Variants in STAG3 observed in about 807,000 individuals in gnomAD.
The protein encoded by STAG3 is STAG3 cohesin complex component.
STAG3 carries 101 observed loss-of-function variants against 160.7 expected under a neutral mutation model. That is an observed-to-expected ratio of 0.63 (90% CI 0.54 to 0.74). The LOEUF (loss-of-function observed/expected upper bound fraction) is 0.74. Ranked by LOEUF, STAG3 falls within the 30% of genes least tolerant of loss-of-function variation. The pLI, the probability that STAG3 is intolerant of heterozygous loss-of-function variation, is 0.00. For missense variants in STAG3, 1,188 were observed against 1,517.4 expected (o/e 0.78, Z 3.61); for synonymous variants, 519 against 585.0 (o/e 0.89, Z 1.63).
intron 16 of STAG3, 187 bp from the exon 17 acceptor site, chr7:100,200,049 G>A: frequency 1.8e-6 from 1 of 540,920 alleles, no homozygotes; most frequent in South Asian, 2.4e-5. Context: ...CTGGGTGACA[G>A]AGCGAGACTC....
rs371194043 is a variant in STAG3, at chr7:100,199,250, G to C, written c.1468-12G>C. 1 of 1,587,640 alleles carries C rather than the reference G, an allele frequency of 6.3e-7. No individual in the cohort carries two copies. Among genetic ancestry groups the C allele is most frequent in the African/African-American group, 1.3e-5 (1 of 74,316 alleles). The stretch of plus-strand genomic sequence containing the variant: ...ATGCTATCATTAACTCCCCATGCAC[G>C]TTCTCCCCTAGCTCCATGACCACGC... On this transcript the variant is annotated splice_polypyrimidine_tract_variant and intron_variant, in intron 14 of 33. Transcript: ENST00000615138.
At chr7:100,198,017 C>G (rs941956632) in intron 11 of STAG3, 70 bp from the exon 12 acceptor site, 4 of 1,574,402 alleles carry the variant, frequency 2.5e-6, no homozygotes, top group Non-Finnish European at 3.5e-6. Context: ...TTAGGAGTCT[C>G]TGATTCTAAG....
rs1439807410 is a variant in STAG3, at chr7:100,195,302, C to A, written c.868-7C>A. On this transcript the variant is annotated splice_region_variant and splice_polypyrimidine_tract_variant and intron_variant, in intron 8 of 33. Transcript: ENST00000615138. ...GAAAGATTAACCCGTTTCTCCCTGT[C>A]CTCCAGCTCCAAGAGCATCAAGAGG... 4 of 1,613,964 alleles carry A rather than the reference C, an allele frequency of 2.5e-6. 1 individual carries two copies. The South Asian group carries it at 4.4e-5, about 18-fold the overall frequency.
downstream of STAG3, among the ~76,000 whole-genome samples, chr7:100,217,980 G>A (rs985854680): frequency 1.3e-5 from 2 of 150,334 alleles, no homozygotes; most frequent in African/African-American, 4.9e-5. Context: ...TCCACAAGAG[G>A]TGGTGGAGCA....
At chr7:100,211,356 T>A (rs1802185665) in intron 30 of STAG3, 79 bp from the exon 31 acceptor site, 25 of 1,530,730 alleles carry the variant, frequency 1.6e-5, no homozygotes, top group Admixed American at 1.1e-4. Context: ...TGAGCTTTTC[T>A]CCCCATTAAC....
At chr7:100,185,210 A>G (rs1383421307) in intron 4 of STAG3, among the ~76,000 whole-genome samples, 1 of 151,998 alleles carries the variant, frequency 6.6e-6, no homozygotes. Context: ...ATGCCTGACT[A>G]ATTATTCTGT....
Position 100,200,873 on chromosome 7 carries a change from C to T in STAG3, c.1965C>T (p.Pro655=), listed in dbSNP as rs778757088. Residue 655 remains proline (P), a synonymous_variant, in exon 19 of 34, where the codon CCC becomes CCT. Transcript: ENST00000615138. The stretch of plus-strand genomic sequence containing the variant: ...ATGCCCTCTACCTGCTCTGTAATCC[C>T]GAATTCACTTTCTTCAGCCGGGCGG... ...GAHALYLLCN[P]EFTFFSRADF... is the part of the protein sequence containing the mutation. 3.7e-6 allele frequency: 6 copies of T among 1,614,078 alleles called. No homozygotes were observed. The highest frequency in any genetic ancestry group is 1.6e-4 in the Middle Eastern group (1 of 6,082).
downstream of STAG3, among the ~76,000 whole-genome samples, chr7:100,215,984 C>T (rs1318069738): frequency 5.3e-5 from 8 of 152,178 alleles, no homozygotes; most frequent in African/African-American, 9.7e-5. Context: ...GAAAAGGCCA[C>T]GTGTAGGTGT....
At chr7:100,188,230 T>C (rs917144073) in intron 5 of STAG3, among the ~76,000 whole-genome samples, 2 of 152,180 alleles carry the variant, frequency 1.3e-5, no homozygotes, top group African/African-American at 4.8e-5. Context: ...GATTTGGCCA[T>C]GTCTACACCA....
chr7:100,213,898 G>A (rs1802527775), intron 33 of STAG3, 92 bp downstream of exon 33: 1 of 1,612,578 alleles, frequency 6.2e-7, no homozygotes, highest in Admixed American at 1.7e-5. Flanking sequence ...TAGCCTGGGG[G>A]TGGCCCTCTG....
intron 26 of STAG3, 130 bp downstream of exon 26, chr7:100,204,252 A>G (rs1584745798): frequency 1.5e-6 from 1 of 688,294 alleles, no homozygotes; most frequent in East Asian, 2.7e-5. Context: ...TTTACGTGAT[A>G]GGTTCCTTCA....
intron 8 of STAG3, among the ~76,000 whole-genome samples, chr7:100,193,170 C>T (rs1158166659): frequency 1.3e-5 from 2 of 152,136 alleles, no homozygotes; most frequent in East Asian, 3.8e-4. Flanking sequence ...CACCCATGTG[C>T]TTAAAATATT....
chr7:100,187,160 TG>T (rs1562968625), intron 5 of STAG3, among the ~76,000 whole-genome samples: 1 of 151,990 alleles, frequency 6.6e-6, no homozygotes. Context: ...GCCTCCCAGG[TG>T]GCTGGGATTA....
Position 100,198,529 on chromosome 7 carries a change from G to T in STAG3, c.1299G>T (p.Val433=). ...DADCESVYPV[V]YASHRGLASA... ...ATTGTGAGAGCGTCTACCCAGTTGTGTATGCCTCTCATCGAGGCCTGGCCT... is the reference window on the plus strand; with the variant it reads ...ATTGTGAGAGCGTCTACCCAGTTGTTTATGCCTCTCATCGAGGCCTGGCCT... The change falls in exon 13 of 34, where the codon GTG becomes GTT. Residue 433 remains valine (V), a synonymous_variant. Coordinates refer to ENST00000615138, the MANE Select transcript of STAG3 (RefSeq NM_001282717.2). 1 of 1,614,220 alleles carries T rather than the reference G, an allele frequency of 6.2e-7. No individual in the cohort carries two copies. Among genetic ancestry groups the T allele is most frequent in the South Asian group, 1.1e-5 (1 of 91,082 alleles).
intron 29 of STAG3, among the ~76,000 whole-genome samples, chr7:100,206,750 G>A (rs1264926444): frequency 6.6e-6 from 1 of 152,108 alleles, no homozygotes; most frequent in African/African-American, 2.4e-5. Context: ...CAAAGTGCTG[G>A]TGAGCCCCCG....
chr7:100,191,702 T>C (rs184983627), intron 8 of STAG3, among the ~76,000 whole-genome samples: 3 of 152,328 alleles, frequency 2.0e-5, no homozygotes, highest in Middle Eastern at 3.4e-3. Context: ...TAGTGGTTGC[T>C]GAAGGTTAGG....
rs139621533 is a variant in STAG3, at chr7:100,180,683, G to A, written c.116+11G>A. 6.0e-3 allele frequency: 8,967 copies of A among 1,505,436 alleles called. 40 individuals are homozygous for A. Among genetic ancestry groups the A allele is most frequent in the Non-Finnish European group, 7.1e-3 (7,694 of 1,080,386 alleles). 93.3% of individuals were successfully genotyped at this position (1,505,436 alleles called of 1,614,324 possible). A position where few individuals can be genotyped will look rare whatever the true frequency, so the allele number is the denominator to read the frequency against. ...CCATACCTCAGAGGGGTAAGTAGAT[G>A]TTGCATTGTGTGGCCACTTCCTGTG... On this transcript the variant is annotated intron_variant, in intron 2 of 33. Coordinates refer to ENST00000615138, the MANE Select transcript of STAG3 (RefSeq NM_001282717.2).
At chr7:100,194,385 G>A (rs1458040802) in intron 8 of STAG3, among the ~76,000 whole-genome samples, 1 of 152,150 alleles carries the variant, frequency 6.6e-6, no homozygotes, top group Non-Finnish European at 1.5e-5. Flanking sequence ...GGCCTGAGGA[G>A]AGAGAGAGAG....
At chr7:100,199,698 A>G (rs1800947620) in intron 16 of STAG3, 54 bp downstream of exon 16, 18 of 1,335,390 alleles carry the variant, frequency 1.3e-5, no homozygotes, top group East Asian at 9.5e-5. Context: ...TTGACAGGCA[A>G]TGTGCATCCT....
Sources: allele counts gnomAD v4.1 joint callset (sites outside exome capture counted in the v4.1 genomes callset), GRCh38; gene constraint gnomAD v4.1.1; transcripts MANE v1.5; gene names NCBI Gene and HGNC (gene_info 2026-07-23, HGNC 2026-07-21).